TMEM117: variants seen among roughly 807,000 people sequenced by gnomAD.
TMEM117 encodes the protein transmembrane protein 117.
In TMEM117, 27 loss-of-function variants were observed where a neutral mutation model predicts 52.4. The observed-to-expected ratio is 0.51, with a 90% CI of 0.38 to 0.71. The LOEUF (loss-of-function observed/expected upper bound fraction) is 0.71, where lower values mean the gene tolerates loss of function less well. TMEM117 is among the 30% of genes least tolerant of loss of function. The probability of loss-of-function intolerance (pLI) is 0.00; values close to 1 mark genes in which losing one functional copy is unlikely to be tolerated. For missense variants in TMEM117, 556 were observed against 630.5 expected, an observed-to-expected ratio of 0.88 and a Z score of 1.26; for synonymous variants, 215 against 206.3, an observed-to-expected ratio of 1.04 and a Z score of -0.36.
intron 6 of TMEM117, among the ~76,000 whole-genome samples, chr12:44,304,551 C>G (rs1452913324): frequency 1.3e-5 from 2 of 152,144 alleles, no homozygotes; most frequent in African/African-American, 4.8e-5. Flanking sequence ...GCTCACAGCT[C>G]CAGGACAGAC....
chr12:44,069,567 A>G (rs1280878693), intron 3 of TMEM117, among the ~76,000 whole-genome samples: 1 of 152,182 alleles, frequency 6.6e-6, no homozygotes, highest in Non-Finnish European at 1.5e-5. Context: ...ATGAGGTCAG[A>G]AAGTTCATAA....
intron 5 of TMEM117, among the ~76,000 whole-genome samples, chr12:44,281,015 A>G (rs1023660759): frequency 3.3e-5 from 5 of 152,154 alleles, no homozygotes; most frequent in Non-Finnish European, 7.4e-5. Flanking sequence ...TTGTTTTCCC[A>G]GTTTTTCCTG....
rs141431075 is a variant in TMEM117 at position 44,173,192 on chromosome 12, C to T, written c.510+29568C>T. Among the ~76,000 whole-genome samples the T allele has an allele frequency of 3.3e-5, 5 of 152,338 alleles. No individual in the cohort carries two copies. The East Asian group carries it at 5.8e-4, about 18-fold the overall frequency. ...CCAGGGTCAAGTGATCCTCCCACCT[C>T]GCCCTCCCACGTAGTGGGGACCACA... On this transcript the variant is annotated intron_variant, in intron 4 of 7. Transcript: ENST00000266534.
At chr12:43,813,502 C>T in the TMEM117 span, among the ~76,000 whole-genome samples, 1 of 152,014 alleles carries the variant, frequency 6.6e-6, no homozygotes, top group Non-Finnish European at 1.5e-5. Flanking sequence ...GCTGAGATTA[C>T]AGGTGTGAGC....
intron 6 of TMEM117, among the ~76,000 whole-genome samples, chr12:44,328,081 T>G (rs988411266): frequency 4.6e-5 from 7 of 152,222 alleles, no homozygotes; most frequent in African/African-American, 1.7e-4. Flanking sequence ...GGCTTGATGT[T>G]ATCTCTAGTT....
At chr12:44,085,062 G>A (rs1947544074) in intron 3 of TMEM117, among the ~76,000 whole-genome samples, 1 of 152,162 alleles carries the variant, frequency 6.6e-6, no homozygotes, top group African/African-American at 2.4e-5. Flanking sequence ...GGAAAATGAT[G>A]TGATTTTGTA....
rs946352173 is a variant in TMEM117 at position 43,954,414 on chromosome 12, AAAG to A, written c.410+10080_410+10082del. On this transcript the variant is annotated intron_variant, in intron 3 of 7. Coordinates refer to ENST00000266534, the MANE Select transcript of TMEM117 (RefSeq NM_032256.3). ...AAAGTAGATTGCTAGTGAGACTAAT[AAAG>A]AAGAAGAGAAGACTCAAATAAACAC... 7.2e-5 allele frequency among the ~76,000 whole-genome samples: 11 copies of A among 152,286 alleles called. No individual in the cohort carries two copies. The South Asian group carries it at 1.0e-3, about 14-fold the overall frequency.
chr12:44,087,521 G>A (rs1380942526), intron 3 of TMEM117, among the ~76,000 whole-genome samples: 1 of 152,050 alleles, frequency 6.6e-6, no homozygotes, highest in African/African-American at 2.4e-5. Flanking sequence ...GAGTGCAGTG[G>A]CATGATCATG....
chr12:43,858,635 A>C (rs1397031671), intron 2 of TMEM117, among the ~76,000 whole-genome samples: 16 of 152,012 alleles, frequency 1.1e-4, no homozygotes, highest in Non-Finnish European at 2.4e-4. Context: ...TTCTTAGGCT[A>C]CTCCATGCTT....
At chr12:44,264,464 G>C (rs1950354110) in intron 5 of TMEM117, among the ~76,000 whole-genome samples, 1 of 152,074 alleles carries the variant, frequency 6.6e-6, no homozygotes, top group Non-Finnish European at 1.5e-5. Flanking sequence ...CTGTGAGGTG[G>C]GTATTTGTGA....
rs1178907927 is a variant in TMEM117 at position 44,166,861 on chromosome 12, C to T, written c.510+23237C>T. On this transcript the variant is annotated intron_variant, in intron 4 of 7. Coordinates refer to ENST00000266534, the MANE Select transcript of TMEM117 (RefSeq NM_032256.3). Reference sequence around the variant, plus strand: ...TACCCAAATTTACAAGGCTTGTTATCAAATATGAAAATATACCAGTCTCTC... The same window carrying T: ...TACCCAAATTTACAAGGCTTGTTATTAAATATGAAAATATACCAGTCTCTC... Among the ~76,000 whole-genome samples, 7 of 152,280 alleles carry T rather than the reference C, an allele frequency of 4.6e-5. 1 individual carries two copies. The highest frequency in any genetic ancestry group is 3.9e-4 in the Admixed American group (6 of 15,288).
At chr12:44,152,518 TTATA>T (rs1240731123) in intron 4 of TMEM117, among the ~76,000 whole-genome samples, 5 of 118,090 alleles carry the variant, frequency 4.2e-5, no homozygotes, top group Non-Finnish European at 7.9e-5. Context: ...ATATATAAAT[TTATA>T]TATATATTTA....
chr12:43,931,174 T>C (rs1425126205), intron 2 of TMEM117, among the ~76,000 whole-genome samples: 2 of 152,176 alleles, frequency 1.3e-5, no homozygotes, highest in African/African-American at 4.8e-5. Context: ...CACAAAACCT[T>C]GTCATTTATT....
chr12:44,257,512 G>C (rs1565644595), intron 5 of TMEM117, among the ~76,000 whole-genome samples: 1 of 152,092 alleles, frequency 6.6e-6, no homozygotes, highest in Non-Finnish European at 1.5e-5. Flanking sequence ...TCAAAGGACT[G>C]GTAGCTTGAA....
chr12:43,844,894 A>G lies in TMEM117; in HGVS notation c.243A>G (p.Ile81Met). Residue 81 changes from isoleucine to methionine, a missense_variant, in exon 2 of 8, where the codon ATA becomes ATG. Transcript: ENST00000266534. ...TACTTGCCATTCTCACAGGACTAAT[A>G]GCTGGCAAATTTCTGTTCCATCAGC... ...LWLLAILTGL[I>M]AGKFLFHQRL... 6.8e-6 allele frequency: 11 copies of G among 1,613,842 alleles called. No individual in the cohort carries two copies. The highest frequency in any genetic ancestry group is 9.3e-6 in the Non-Finnish European group (11 of 1,179,972).
At chr12:44,212,036 A>G (rs532475291) in intron 5 of TMEM117, among the ~76,000 whole-genome samples, 28 of 152,342 alleles carry the variant, frequency 1.8e-4, no homozygotes, top group African/African-American at 6.5e-4. Context: ...ACAGTTGAAT[A>G]ATTATATAAT....
At chr12:44,289,718 A>G (rs1950681643) in intron 5 of TMEM117, among the ~76,000 whole-genome samples, 1 of 151,664 alleles carries the variant, frequency 6.6e-6, no homozygotes, top group African/African-American at 2.4e-5. Flanking sequence ...ATGCCTGGCT[A>G]ATTTTTTGTA....
the TMEM117 span, among the ~76,000 whole-genome samples, chr12:44,395,814 T>C: frequency 6.6e-6 from 1 of 152,208 alleles, no homozygotes; most frequent in African/African-American, 2.4e-5. Context: ...ATATCACTTC[T>C]TGCATTCCAT....
intron 4 of TMEM117, among the ~76,000 whole-genome samples, chr12:44,158,683 G>A (rs1948859976): frequency 1.3e-5 from 2 of 151,872 alleles, no homozygotes; most frequent in Admixed American, 1.3e-4. Flanking sequence ...TTAAATGTTG[G>A]GTCTAGGGTG....
Sources: allele counts gnomAD v4.1 joint callset (sites outside exome capture counted in the v4.1 genomes callset), GRCh38; gene constraint gnomAD v4.1.1; transcripts MANE v1.5; gene names NCBI Gene and HGNC (gene_info 2026-07-23, HGNC 2026-07-21).